TMEM192: variants seen among roughly 807,000 people sequenced by gnomAD.
TMEM192 encodes the protein transmembrane protein 192.
A neutral mutation model predicts 26.7 loss-of-function variants in TMEM192; 20 were observed. The observed-to-expected ratio is 0.75, with a 90% CI of 0.53 to 1.09. The LOEUF is 1.09. Ranked by LOEUF, TMEM192 falls within the 50% of genes least tolerant of loss-of-function variation. The probability of loss-of-function intolerance (pLI) is 0.00; values close to 1 mark genes in which losing one functional copy is unlikely to be tolerated. For missense variants in TMEM192, 304 were observed against 322.6 expected (o/e 0.94, Z 0.44); for synonymous variants, 124 against 121.0 (o/e 1.02, Z -0.16).
chr4:165,096,231 A>T (rs771324661), intron 3 of TMEM192, among the ~76,000 whole-genome samples: 5 of 151,932 alleles, frequency 3.3e-5, no homozygotes, highest in Admixed American at 3.3e-4. Flanking sequence ...AACATGGTGA[A>T]GCCTCGTCTC....
rs114048898 is a variant in TMEM192, at chr4:165,101,335, T to A, written c.175-443A>T. Reference sequence around the variant, plus strand: ...TGTCCTATTTTTATAAATGAGTTTTTAAATGTATTTTCGTTTTGTTTTGTT... The same window carrying A: ...TGTCCTATTTTTATAAATGAGTTTTAAAATGTATTTTCGTTTTGTTTTGTT... On this transcript the variant is annotated intron_variant, in intron 2 of 5. Coordinates refer to ENST00000306480, the MANE Select transcript of TMEM192 (RefSeq NM_001100389.2). Among the ~76,000 whole-genome samples, 410 of 152,176 alleles carry A rather than the reference T, an allele frequency of 2.7e-3. 2 individuals are homozygous for A. Among genetic ancestry groups the A allele is most frequent in the African/African-American group, 9.3e-3 (385 of 41,538 alleles).
At chr4:165,094,470 C>T (rs1384909147) in intron 3 of TMEM192, among the ~76,000 whole-genome samples, 2 of 152,090 alleles carry the variant, frequency 1.3e-5, no homozygotes, top group African/African-American at 4.8e-5. Context: ...CCAGCCTGAC[C>T]AACAGGGAGA....
chr4:165,092,718 T>C (rs1008408935), intron 3 of TMEM192, among the ~76,000 whole-genome samples: 1 of 152,094 alleles, frequency 6.6e-6, no homozygotes, highest in Admixed American at 6.6e-5. Context: ...TTATCTTCTA[T>C]TGCTTGATAC....
chr4:165,093,581 T>C (rs1734821596), intron 3 of TMEM192, among the ~76,000 whole-genome samples: 1 of 152,180 alleles, frequency 6.6e-6, no homozygotes, highest in Admixed American at 6.6e-5. Flanking sequence ...CTGTGGACAT[T>C]ACACAAGTAC....
chr4:165,108,555 T>G lies in TMEM192; in HGVS notation c.27+4192A>C, dbSNP rs554559041. On this transcript the variant is annotated intron_variant, in intron 1 of 5. Coordinates refer to ENST00000306480, the MANE Select transcript of TMEM192 (RefSeq NM_001100389.2). ...GGCCTCCACTACTGAGGCAAGACCT[T>G]TCTGAGTACTCTACCTACATGCTCT... is the stretch of plus-strand genomic sequence containing the variant. 7.9e-5 allele frequency among the ~76,000 whole-genome samples: 12 copies of G among 152,292 alleles called. No individual in the cohort carries two copies. The East Asian group carries it at 2.3e-3, about 29-fold the overall frequency.
intron 1 of TMEM192, among the ~76,000 whole-genome samples, chr4:165,110,842 T>C (rs1735279015): frequency 1.3e-5 from 2 of 152,242 alleles, no homozygotes; most frequent in African/African-American, 4.8e-5. Flanking sequence ...CCCTATAGCC[T>C]TTCGAATACA....
Position 165,071,002 on chromosome 4 carries a change from A to C in TMEM192, c.*8656T>G, listed in dbSNP as rs1430063376. 6.6e-6 allele frequency: 1 copy of C among 152,140 alleles called. No individual in the cohort carries two copies. Among genetic ancestry groups the C allele is most frequent in the Non-Finnish European group, 1.5e-5 (1 of 68,042 alleles). The allele number at this position is 152,140 out of a possible 1,614,324, so 9.4% of individuals were successfully genotyped here. A position where few individuals can be genotyped will look rare whatever the true frequency, so the allele number is the denominator to read the frequency against. ...TTTTCCCCTTATCTACAGGGGAAACATTACAAGACCTCAGGTGATGCCTGG... is the reference window on the plus strand; with the variant it reads ...TTTTCCCCTTATCTACAGGGGAAACCTTACAAGACCTCAGGTGATGCCTGG... On this transcript the variant is annotated 3_prime_UTR_variant, in exon 6 of 6. Transcript: ENST00000306480.
chr4:165,109,607 C>T (rs1849458), intron 1 of TMEM192, among the ~76,000 whole-genome samples: 99,145 of 152,026 alleles, frequency 0.65, 32,775 homozygotes, highest in East Asian at 0.9. Context: ...TCAGGTGATC[C>T]ACCCGCCTCA....
intron 3 of TMEM192, among the ~76,000 whole-genome samples, chr4:165,093,212 G>A (rs925215865): frequency 3.4e-5 from 5 of 147,548 alleles, no homozygotes; most frequent in South Asian, 2.2e-4. Context: ...TTCTCCTGCC[G>A]CGGCCTCCTG....
intron 4 of TMEM192, among the ~76,000 whole-genome samples, chr4:165,086,430 T>G (rs1291741161): frequency 6.6e-6 from 1 of 150,440 alleles, no homozygotes; most frequent in East Asian, 2.0e-4. Context: ...TTTTTTTTTT[T>G]TTTTTTTGAG....
At chr4:165,107,006 T>C (rs1366119401) in intron 1 of TMEM192, among the ~76,000 whole-genome samples, 2 of 152,006 alleles carry the variant, frequency 1.3e-5, no homozygotes, top group African/African-American at 4.8e-5. Flanking sequence ...AAGTAACTTC[T>C]CAGGATTTTT....
chr4:165,094,643 C>T (rs947865864), intron 3 of TMEM192, among the ~76,000 whole-genome samples: 2 of 147,998 alleles, frequency 1.4e-5, no homozygotes, highest in Non-Finnish European at 1.5e-5. Context: ...GGTGACAGAG[C>T]GAGACTCTGT....
intron 3 of TMEM192, among the ~76,000 whole-genome samples, chr4:165,097,244 C>T (rs1042898090): frequency 1.3e-5 from 2 of 152,046 alleles, no homozygotes; most frequent in African/African-American, 2.4e-5. Flanking sequence ...CCTGTAATCC[C>T]AGCACTTTGG....
At chr4:165,100,179 G>A (rs1449738712) in intron 3 of TMEM192, among the ~76,000 whole-genome samples, 1 of 54,534 alleles carries the variant, frequency 1.8e-5, no homozygotes, top group Admixed American at 1.7e-4. Context: ...TTTTTTTTTT[G>A]AGATGGAGTC....
chr4:165,111,143 C>T (rs1043819140), intron 1 of TMEM192, among the ~76,000 whole-genome samples: 19 of 152,106 alleles, frequency 1.2e-4, no homozygotes, highest in African/African-American at 3.6e-4. Context: ...TCTGTTGCCC[C>T]GGCTGGAGTG....
At chr4:165,084,112 C>T (rs989482341) in intron 5 of TMEM192, among the ~76,000 whole-genome samples, 2 of 151,970 alleles carry the variant, frequency 1.3e-5, no homozygotes, top group Admixed American at 6.6e-5. Context: ...TGAGCCACCG[C>T]GCCCAGTCAT....
intron 1 of TMEM192, among the ~76,000 whole-genome samples, 164 bp from the exon 2 acceptor site, chr4:165,103,260 TTTAATTAATTAAAAAA>T (rs1735086141): frequency 6.6e-6 from 1 of 151,978 alleles, no homozygotes; most frequent in East Asian, 1.9e-4. Flanking sequence ...ATTAATTTAA[TTTAATTAATTAAAAAA>T]TTAATTAATT....
At chr4:165,091,510 A>G (rs1734763189) in intron 3 of TMEM192, among the ~76,000 whole-genome samples, 1 of 152,200 alleles carries the variant, frequency 6.6e-6, no homozygotes, top group African/African-American at 2.4e-5. Context: ...CATCTAGTTT[A>G]GTAAGAAGTG....
intron 3 of TMEM192, among the ~76,000 whole-genome samples, chr4:165,096,629 CTT>C (rs55845654): frequency 4.2e-5 from 6 of 144,494 alleles, no homozygotes; most frequent in Non-Finnish European, 6.1e-5. Flanking sequence ...ATAGATTTAT[CTT>C]TTTTTTTTTT....
Sources: gnomAD v4.1 joint callset for allele counts (sites outside exome capture counted in the v4.1 genomes callset) on GRCh38, gnomAD v4.1.1 for gene constraint, MANE v1.5 for transcripts, NCBI Gene and HGNC (gene_info 2026-07-23, HGNC 2026-07-21) for gene names.